Variants in ZNF844 observed in about 807,000 individuals in gnomAD.
The protein encoded by ZNF844 is zinc finger protein 844.
Under a neutral mutation model 11.4 loss-of-function variants are expected in ZNF844, and 11 were observed. That is an observed-to-expected ratio of 0.97 (90% CI 0.61 to 1.60). ZNF844 has a LOEUF of 1.60. ZNF844 is among the 40% of genes most tolerant of loss of function. ZNF844 has a pLI of 0.00. For synonymous variants in ZNF844, 248 were observed against 260.3 expected, an observed-to-expected ratio of 0.95 and a Z score of 0.46; for missense variants, 790 against 796.8, an observed-to-expected ratio of 0.99 and a Z score of 0.10.
rs113342707 is a variant in ZNF844 at position 12,069,289 on chromosome 19, T to A, written c.3+4413T>A. Among the ~76,000 whole-genome samples, 1,301 of 150,694 alleles carry A rather than the reference T, an allele frequency of 8.6e-3. 16 individuals carry two copies. Among genetic ancestry groups the A allele is most frequent in the African/African-American group, 0.03 (1,237 of 40,814 alleles). On this transcript the variant is annotated intron_variant, in intron 1 of 3. Transcript: ENST00000439326. ...CCTCTGCCTCCTGGGTTCAAGCAAT[T>A]CTCCTGTCTCAGCCTCCTGAGTAGC...
At position 12,066,072 on chromosome 19, in the gene ZNF844, A is replaced by T. The variant is rs144348739; in HGVS notation, c.3+1196A>T. On this transcript the variant is annotated intron_variant, in intron 1 of 3. Transcript: ENST00000439326. ...TGCCTCACCCTCCCGAGTAGCTGGG[A>T]CTACAGGCGCAGGCGGCTAATTTTT... Among the ~76,000 whole-genome samples the T allele has an allele frequency of 7.0e-3, 1,067 of 151,924 alleles. 6 individuals are homozygous for T. The highest frequency in any genetic ancestry group is 0.025 in the African/African-American group (1,019 of 41,450).
rs1247031235 is a variant in ZNF844 at position 12,075,914 on chromosome 19, C to T, written c.794C>T (p.Pro265Leu). Residue 265 changes from proline to leucine, a missense_variant, in exon 4 of 4, where the codon CCC becomes CTC. By Grantham distance (98) the Pro-to-Leu change is moderately conservative (BLOSUM62 -3). Around this residue, in one of 3 missense-constraint regions of ZNF844, gnomAD observed 657 missense variants for 636.2 expected, o/e 1.03. Transcript: ENST00000439326. The stretch of plus-strand genomic sequence containing the variant: ...GAATGTGGGAAAGCATTCGGTAGTC[C>T]CAATTCCCTTTATGAACATAGAAGA... ...CKECGKAFGSPNSLYEHRRTH... is the reference protein window; with the variant it reads ...CKECGKAFGSLNSLYEHRRTH... 1 of 1,603,046 alleles carries T rather than the reference C, an allele frequency of 6.2e-7. No individual in the cohort carries two copies. The highest frequency in any genetic ancestry group is 1.4e-5 in the African/African-American group (1 of 74,002).
chr19:12,069,182 T>C (rs1311777859), intron 1 of ZNF844, among the ~76,000 whole-genome samples: 5 of 143,736 alleles, frequency 3.5e-5, no homozygotes, highest in Admixed American at 6.8e-5. Context: ...TTTATTCCTT[T>C]TTTTTTTTTT....
intron 1 of ZNF844, among the ~76,000 whole-genome samples, chr19:12,065,239 T>C (rs978253607): frequency 2.6e-5 from 4 of 152,090 alleles, no homozygotes; most frequent in Non-Finnish European, 4.4e-5. Context: ...CGGGAGGAGC[T>C]GCGCTGTGAG....
intron 1 of ZNF844, among the ~76,000 whole-genome samples, chr19:12,072,896 T>C (rs1443910686): frequency 6.6e-6 from 1 of 152,122 alleles, no homozygotes; most frequent in African/African-American, 2.4e-5. Context: ...TGATTTTTCT[T>C]TTCTTTTTAG....
intron 1 of ZNF844, among the ~76,000 whole-genome samples, chr19:12,067,869 G>A (rs1273074315): frequency 6.7e-6 from 1 of 148,514 alleles, no homozygotes; most frequent in Non-Finnish European, 1.5e-5. Context: ...CCGAGATCGC[G>A]CCACTGCACT....
intron 1 of ZNF844, among the ~76,000 whole-genome samples, chr19:12,071,226 C>T (rs1299872075): frequency 6.6e-6 from 1 of 152,134 alleles, no homozygotes; most frequent in Non-Finnish European, 1.5e-5. Context: ...TGTGAAACTG[C>T]TGCAGTATTT....
Position 12,075,751 on chromosome 19 carries a change from A to G in ZNF844, c.631A>G (p.Ile211Val), listed in dbSNP as rs757286666. Reference sequence around the variant, plus strand: ...TGGGAAAGCCTGCCCTTGTCTCAGCATATATCTTATACATGAACGAGTTCA... The same window carrying G: ...TGGGAAAGCCTGCCCTTGTCTCAGCGTATATCTTATACATGAACGAGTTCA... ...FCGKACPCLS[I>V]YLIHERVHTG... Residue 211 changes from isoleucine (I) to valine (V), a missense_variant, in exon 4 of 4, where the codon ATA becomes GTA. This residue lies in a region of ZNF844 where 657 missense variants were observed against 636.2 expected (regional missense o/e 1.03). Transcript: ENST00000439326. The G allele has an allele frequency of 7.2e-5, 116 of 1,613,846 alleles. No individual in the cohort carries two copies. The highest frequency in any genetic ancestry group is 9.7e-5 in the Non-Finnish European group (114 of 1,179,972).
rs748342323 is a variant in ZNF844 at position 12,069,179 on chromosome 19, CTT to C, written c.3+4323_3+4324del. 7.0e-4 allele frequency among the ~76,000 whole-genome samples: 84 copies of C among 120,802 alleles called. No homozygotes were observed. The South Asian group carries it at 9.7e-3, about 14-fold the overall frequency. The allele number at this position is 120,802 out of a possible 152,430, so 79.3% of individuals were successfully genotyped here. A position where few individuals can be genotyped will look rare whatever the true frequency, so the allele number is the denominator to read the frequency against. On this transcript the variant is annotated intron_variant, in intron 1 of 3. Coordinates refer to ENST00000439326, the MANE Select transcript of ZNF844 (RefSeq NM_001136501.3). ...GACTTTTCTTTTTATTCTTTTATTC[CTT>C]TTTTTTTTTTTTTTTTTTTGAGACC...
rs202122963 is a variant in ZNF844, at chr19:12,077,830, AT to A, written c.*719del. The A allele has an allele frequency of 2.3e-3, 620 of 273,192 alleles. No individual in the cohort carries two copies. The highest frequency in any genetic ancestry group is 6.2e-3 in the Middle Eastern group (5 of 808). The allele number at this position is 273,192 out of a possible 1,614,324, so 16.9% of individuals were successfully genotyped here. A position where few individuals can be genotyped will look rare whatever the true frequency, so the allele number is the denominator to read the frequency against. ...GCTGCATACTAACATGTTATTCTGT[AT>A]TTTTTTTTTCTTTTTGAGACAGAGT... On this transcript the variant is annotated 3_prime_UTR_variant, in exon 4 of 4. Coordinates refer to ENST00000439326, the MANE Select transcript of ZNF844 (RefSeq NM_001136501.3).
intron 1 of ZNF844, among the ~76,000 whole-genome samples, chr19:12,066,029 C>A (rs1045389332): frequency 1.3e-5 from 2 of 152,030 alleles, no homozygotes; most frequent in Non-Finnish European, 2.9e-5. Flanking sequence ...ACCTGAGCAG[C>A]AGCTCAGGTG....
Position 12,076,535 on chromosome 19 carries a change from A to G in ZNF844, c.1415A>G (p.Lys472Arg), listed in dbSNP as rs1186388792. ...AAATGCATGGAAGGACTCACACTCA[A>G]GAGAAACCCTATGAATGTAAGCAGT... The part of the protein sequence containing the change: ...TFKCMEGLTL[K>R]RNPMNVSSVV... Residue 472 changes from lysine to arginine, a missense_variant, in exon 4 of 4, where the codon AAG becomes AGG. Around this residue, in one of 3 missense-constraint regions of ZNF844, gnomAD observed 657 missense variants for 636.2 expected, o/e 1.03. Transcript: ENST00000439326. 1.2e-6 allele frequency: 2 copies of G among 1,609,618 alleles called. No homozygotes were observed.
In ZNF844 at chr19:12,075,759, T is replaced by TA. The variant is rs767274083; in HGVS notation, c.640dup (p.Ile214AsnfsTer3). ...CCTGCCCTTGTCTCAGCATATATCT[T>TA]ATACATGAACGAGTTCACACTGGAG... is the stretch of plus-strand genomic sequence containing the variant. On this transcript the variant is annotated frameshift_variant, in exon 4 of 4. Coordinates refer to ENST00000439326, the MANE Select transcript of ZNF844 (RefSeq NM_001136501.3). LOFTEE classifies it low-confidence loss of function (END_TRUNC). 1.9e-6 allele frequency: 3 copies of TA among 1,613,798 alleles called. No homozygotes were observed. Among genetic ancestry groups the TA allele is most frequent in the Non-Finnish European group, 2.5e-6 (3 of 1,179,882 alleles).
At position 12,076,277 on chromosome 19, in the gene ZNF844, C is replaced by T; in HGVS notation, c.1157C>T (p.Thr386Ile). The T allele has an allele frequency of 6.2e-7, 1 of 1,613,594 alleles. No individual in the cohort carries two copies. Among genetic ancestry groups the T allele is most frequent in the East Asian group, 2.2e-5 (1 of 44,874 alleles). ...PVRFEDMKEL[T>I]LERNLMNAST... The stretch of plus-strand genomic sequence containing the variant: ...CGTTTTGAAGACATGAAAGAACTCA[C>T]ACTGGAGAGAAACCTTATGAATGCA... Residue 386 changes from threonine to isoleucine, a missense_variant, in exon 4 of 4, where the codon ACA becomes ATA. Physicochemically the swap from Thr to Ile is moderately conservative, Grantham distance 89. This residue lies in a region of ZNF844 where 657 missense variants were observed against 636.2 expected (regional missense o/e 1.03). Transcript: ENST00000439326.
Position 12,064,808 on chromosome 19 carries a change from A to G in ZNF844, c.-66A>G, listed in dbSNP as rs1975669545. ...GAGAGGGACCGGTTGCCACCGCCAT[A>G]CTTCTGTCGCCCTGTCGTCTGTGTT... is the stretch of plus-strand genomic sequence containing the variant. On this transcript the variant is annotated 5_prime_UTR_variant, in exon 1 of 4. The change creates a new upstream start codon in the 5' untranslated region. Coordinates refer to ENST00000439326, the MANE Select transcript of ZNF844 (RefSeq NM_001136501.3). 2 of 1,536,842 alleles carry G rather than the reference A, an allele frequency of 1.3e-6. No homozygotes were observed. Among genetic ancestry groups the G allele is most frequent in the East Asian group, 2.6e-5 (1 of 38,718 alleles).
intron 1 of ZNF844, among the ~76,000 whole-genome samples, chr19:12,067,607 CAAAAAAAAAAAAAA>C (rs772282496): frequency 0.36 from 13,409 of 37,562 alleles, 1,164 homozygotes; most frequent in African/African-American, 0.46. Context: ...AACTCTGTCT[CAAAAAAAAAAAAAA>C]AAAAAAAAAA....
At chr19:12,068,165 C>T (rs1010320626) in intron 1 of ZNF844, among the ~76,000 whole-genome samples, 2 of 151,814 alleles carry the variant, frequency 1.3e-5, no homozygotes, top group Non-Finnish European at 2.9e-5. Flanking sequence ...AAAAAATAGC[C>T]AGGCATGATG....
At chr19:12,067,784 T>C (rs1444554962) in intron 1 of ZNF844, among the ~76,000 whole-genome samples, 3 of 150,404 alleles carry the variant, frequency 2.0e-5, no homozygotes, top group East Asian at 3.9e-4. Flanking sequence ...GGCGTGGTAG[T>C]GGGCACCTGT....
chr19:12,076,229 A>G lies in ZNF844; in HGVS notation c.1109A>G (p.Glu370Gly). ...RMRPYKCKTV[E>G]KPLILPVRFE... ...AGACCTTATAAATGTAAGACTGTGG[A>G]AAAGCCTTTGATTCTCCCAGTTCGT... Residue 370 changes from glutamate to glycine, a missense_variant, in exon 4 of 4, where the codon GAA (glutamate) becomes GGA (glycine). By Grantham distance (98) the Glu-to-Gly change is moderately conservative. Around this residue, in one of 3 missense-constraint regions of ZNF844, gnomAD observed 657 missense variants for 636.2 expected, o/e 1.03. Coordinates refer to ENST00000439326, the MANE Select transcript of ZNF844 (RefSeq NM_001136501.3). The G allele has an allele frequency of 6.2e-7, 1 of 1,604,684 alleles. No individual in the cohort carries two copies. The highest frequency in any genetic ancestry group is 8.5e-7 in the Non-Finnish European group (1 of 1,175,482).
Sources: allele counts gnomAD v4.1 joint callset (sites outside exome capture counted in the v4.1 genomes callset), GRCh38; gene constraint gnomAD v4.1.1; regional missense constraint gnomAD v4.1.1; transcripts MANE v1.5; gene names NCBI Gene and HGNC (gene_info 2026-07-23, HGNC 2026-07-21).